The following GTF2H1 variants were observed in gnomAD, a reference collection of about 807,000 sequenced individuals.
GTF2H1 encodes the protein general transcription factor IIH subunit 1, also known as BTF2 p62.
In GTF2H1, 16 loss-of-function variants were observed where a neutral mutation model predicts 71.2. That is an observed-to-expected ratio of 0.22 (90% confidence interval 0.15 to 0.34). The LOEUF (loss-of-function observed/expected upper bound fraction) is 0.34, where lower values mean the gene tolerates loss of function less well. Among genes scored for constraint, GTF2H1 ranks in the 10% least tolerant of loss-of-function variants. The pLI is 1.00. For synonymous variants in GTF2H1, 215 were observed against 219.0 expected (o/e 0.98, Z 0.16); for missense variants, 498 against 648.2 (o/e 0.77, Z 2.52).
chr11:18,326,504 A>G (rs1864769770), intron 1 of GTF2H1, among the ~76,000 whole-genome samples: 1 of 141,602 alleles, frequency 7.1e-6, no homozygotes, highest in Non-Finnish European at 1.5e-5. Context: ...CCTGGGTGAC[A>G]GAACAAGACT....
At chr11:18,357,625 C>A (rs1865587645) in intron 11 of GTF2H1, among the ~76,000 whole-genome samples, 1 of 152,134 alleles carries the variant, frequency 6.6e-6, no homozygotes, top group Non-Finnish European at 1.5e-5. Context: ...TCCTTAAACT[C>A]AATTTTACCT....
chr11:18,331,453 G>T (rs1864894724), intron 1 of GTF2H1, among the ~76,000 whole-genome samples: 1 of 152,068 alleles, frequency 6.6e-6, no homozygotes, highest in Non-Finnish European at 1.5e-5. Context: ...GATCACCTGA[G>T]GTCAAGAGTT....
chr11:18,350,733 A>G (rs925450104), intron 9 of GTF2H1, among the ~76,000 whole-genome samples: 2 of 152,218 alleles, frequency 1.3e-5, no homozygotes, highest in African/African-American at 4.8e-5. Context: ...TTGGTAGTCA[A>G]TAAGAGTTGA....
At chr11:18,352,083 CT>C in intron 10 of GTF2H1, 114 bp downstream of exon 10, 1 of 667,332 alleles carries the variant, frequency 1.5e-6, no homozygotes, top group African/African-American at 1.8e-5. Context: ...GTACAATATC[CT>C]TTTCTGTTTA....
chr11:18,356,333 G>A (rs1420653129), intron 11 of GTF2H1, among the ~76,000 whole-genome samples: 2 of 143,942 alleles, frequency 1.4e-5, no homozygotes, highest in Non-Finnish European at 3.0e-5. Context: ...AGCCGAGATC[G>A]CACCACTGCA....
chr11:18,332,834 T>A, intron 1 of GTF2H1: 1 of 363,286 alleles, frequency 2.8e-6, no homozygotes, highest in Non-Finnish European at 5.0e-6. Flanking sequence ...CATATAAGTA[T>A]TGTATAAATT....
chr11:18,356,953 A>G (rs776583658), intron 11 of GTF2H1, among the ~76,000 whole-genome samples: 80 of 151,936 alleles, frequency 5.3e-4, no homozygotes, highest in African/African-American at 1.9e-3. Flanking sequence ...ACCATGCCCA[A>G]CTAATTTTTT....
chr11:18,355,544 C>T (rs1396067208), intron 11 of GTF2H1, among the ~76,000 whole-genome samples: 1 of 150,388 alleles, frequency 6.6e-6, no homozygotes, highest in Non-Finnish European at 1.5e-5. Context: ...CTCACTTTGT[C>T]CCCCAGGCTG....
intron 11 of GTF2H1, among the ~76,000 whole-genome samples, chr11:18,356,465 G>A (rs1274945048): frequency 6.6e-6 from 1 of 151,730 alleles, no homozygotes; most frequent in Non-Finnish European, 1.5e-5. Context: ...ATACATATGT[G>A]TACATAAATG....
At chr11:18,353,484 C>T (rs1206355949) in intron 11 of GTF2H1, among the ~76,000 whole-genome samples, 1 of 152,194 alleles carries the variant, frequency 6.6e-6, no homozygotes, top group Admixed American at 6.5e-5. Context: ...ACATTATCTC[C>T]TTCATGCTTC....
chr11:18,366,448 A>G lies in GTF2H1; in HGVS notation c.*579A>G, dbSNP rs577170434. 1 of 152,768 alleles carries G rather than the reference A, an allele frequency of 6.5e-6. No individual in the cohort carries two copies. The highest frequency in any genetic ancestry group is 2.1e-4 in the South Asian group (1 of 4,828). The allele number at this position is 152,768 out of a possible 1,614,324, so 9.5% of individuals were successfully genotyped here. ...AAAAAAGTACTTTAAAATAAAGCAA[A>G]GGGAGACTGTTGCTCAACCATCAGG... On this transcript the variant is annotated 3_prime_UTR_variant, in exon 15 of 15. Transcript: ENST00000265963.
intron 6 of GTF2H1, 47 bp downstream of exon 6, chr11:18,341,457 C>T (rs368777031): frequency 6.2e-7 from 1 of 1,608,372 alleles, no homozygotes; most frequent in African/African-American, 1.3e-5. Flanking sequence ...TTGCCACCCT[C>T]TAGACATTAT....
chr11:18,338,632 G>C (rs551128070), intron 4 of GTF2H1, among the ~76,000 whole-genome samples: 7 of 151,936 alleles, frequency 4.6e-5, no homozygotes, highest in African/African-American at 1.7e-4. Context: ...TTTATAGGGC[G>C]GGGGGCAGCT....
intron 7 of GTF2H1, among the ~76,000 whole-genome samples, chr11:18,343,904 G>A (rs1048764463): frequency 4.6e-5 from 7 of 152,120 alleles, no homozygotes; most frequent in African/African-American, 1.7e-4. Flanking sequence ...CACAATCATG[G>A]CTCACTGCAA....
intron 2 of GTF2H1, among the ~76,000 whole-genome samples, chr11:18,335,044 A>G (rs1014177120): frequency 6.6e-6 from 1 of 152,204 alleles, no homozygotes. Context: ...AGCCTTGTCA[A>G]ATATCAAACA....
At chr11:18,330,400 T>G (rs922065350) in intron 1 of GTF2H1, among the ~76,000 whole-genome samples, 1 of 152,180 alleles carries the variant, frequency 6.6e-6, no homozygotes, top group Non-Finnish European at 1.5e-5. Flanking sequence ...ACGTGCAGAT[T>G]AGCAAGCGGA....
At chr11:18,335,685 G>C in intron 2 of GTF2H1, 69 bp from the exon 3 acceptor site, 1 of 1,112,806 alleles carries the variant, frequency 9.0e-7, no homozygotes, top group Non-Finnish European at 1.3e-6. Flanking sequence ...CTTGGGAGAA[G>C]TAACTTACTG....
intron 5 of GTF2H1, 33 bp downstream of exon 5, chr11:18,339,690 A>G: frequency 1.7e-6 from 2 of 1,171,062 alleles, no homozygotes; most frequent in South Asian, 1.2e-5. Flanking sequence ...GATGGTTAAA[A>G]TATATGGATA....
chr11:18,328,938 A>G (rs1371676506), intron 1 of GTF2H1, among the ~76,000 whole-genome samples: 7 of 152,236 alleles, frequency 4.6e-5, no homozygotes, highest in Non-Finnish European at 7.3e-5. Flanking sequence ...GAAAACTCTC[A>G]AAGTCTTAAG....
Sources: allele counts gnomAD v4.1 joint callset (sites outside exome capture counted in the v4.1 genomes callset), GRCh38; gene constraint gnomAD v4.1.1; transcripts MANE v1.5; gene names NCBI Gene and HGNC (gene_info 2026-07-23, HGNC 2026-07-21).